CIMIP6: variants seen among roughly 807,000 people sequenced by gnomAD.
CIMIP6 encodes the protein ciliary microtubule inner protein 6, also known as uncharacterized protein C2orf73.
chr2:54,380,915 TC>T, the CIMIP6 span, among the ~76,000 whole-genome samples: 2 of 152,222 alleles, frequency 1.3e-5, no homozygotes, highest in Non-Finnish European at 2.9e-5. Flanking sequence ...TTTTTAGTCT[TC>T]TTGTTTCCTT....
the CIMIP6 span, among the ~76,000 whole-genome samples, chr2:54,347,105 T>C: frequency 4.6e-5 from 7 of 152,124 alleles, no homozygotes; most frequent in Non-Finnish European, 1.0e-4. Flanking sequence ...TTCTTGTAAA[T>C]TAAAATCTGA....
the CIMIP6 span, among the ~76,000 whole-genome samples, chr2:54,342,635 A>C: frequency 6.6e-6 from 1 of 150,954 alleles, no homozygotes; most frequent in Non-Finnish European, 1.5e-5. Context: ...TTAAAGAAAC[A>C]TCTCCCTTTT....
At chr2:54,367,949 A>G in the CIMIP6 span, among the ~76,000 whole-genome samples, 4 of 152,196 alleles carry the variant, frequency 2.6e-5, no homozygotes, top group African/African-American at 9.7e-5. Context: ...AAGTAACCTT[A>G]TAGGTCACAT....
chr2:54,383,562 T>C, the CIMIP6 span: 1 of 152,148 alleles, frequency 6.6e-6, no homozygotes, highest in African/African-American at 2.4e-5. Flanking sequence ...AACCACAAAT[T>C]TGGGACTTGT....
chr2:54,338,798 G>T, the CIMIP6 span, among the ~76,000 whole-genome samples: 2 of 74,634 alleles, frequency 2.7e-5, 1 homozygote, highest in Non-Finnish European at 7.0e-5. Flanking sequence ...TAAAATTGGG[G>T]ATGCTAAAAA....
the CIMIP6 span, among the ~76,000 whole-genome samples, chr2:54,355,913 T>C: frequency 6.6e-6 from 1 of 152,180 alleles, no homozygotes; most frequent in Non-Finnish European, 1.5e-5. Flanking sequence ...TCTTTTATGG[T>C]CAAATTTATG....
chr2:54,352,884 T>A, the CIMIP6 span, among the ~76,000 whole-genome samples: 1 of 152,176 alleles, frequency 6.6e-6, no homozygotes, highest in Non-Finnish European at 1.5e-5. Context: ...CATAGTTGGT[T>A]GAATATGTGG....
chr2:54,379,469 T>C, the CIMIP6 span, among the ~76,000 whole-genome samples: 3 of 152,200 alleles, frequency 2.0e-5, no homozygotes, highest in Admixed American at 2.0e-4. Context: ...TTGAATCAGA[T>C]TCTTGGGGAT....
the CIMIP6 span, among the ~76,000 whole-genome samples, chr2:54,373,944 A>T: frequency 6.6e-6 from 1 of 152,172 alleles, no homozygotes; most frequent in East Asian, 1.9e-4. Flanking sequence ...GACAGAGTCT[A>T]TTCTTCCCTT....
the CIMIP6 span, among the ~76,000 whole-genome samples, chr2:54,379,078 T>C: frequency 6.6e-6 from 1 of 152,026 alleles, no homozygotes. Flanking sequence ...AACGAAGCAA[T>C]AAATGAATGA....
chr2:54,354,979 A>G, the CIMIP6 span, among the ~76,000 whole-genome samples: 13 of 151,852 alleles, frequency 8.6e-5, no homozygotes, highest in Non-Finnish European at 1.6e-4. Flanking sequence ...ATCCTCTTTG[A>G]TTTATTTCTA....
the CIMIP6 span, among the ~76,000 whole-genome samples, chr2:54,363,059 C>A: frequency 1.3e-5 from 2 of 152,278 alleles, no homozygotes; most frequent in East Asian, 3.9e-4. Context: ...TGGATATGAT[C>A]ATCTCTCCTA....
chr2:54,375,951 GTAGAGA>G, the CIMIP6 span, among the ~76,000 whole-genome samples: 4 of 152,006 alleles, frequency 2.6e-5, no homozygotes, highest in Non-Finnish European at 4.4e-5. Context: ...TCCCTGGAAA[GTAGAGA>G]TAAAGAAGCA....
At chr2:54,330,908 T>G in the CIMIP6 span, 2 of 1,513,628 alleles carry the variant, frequency 1.3e-6, no homozygotes, top group South Asian at 2.3e-5. Flanking sequence ...TTGCGCACCC[T>G]TTTCCTGGCA....
the CIMIP6 span, chr2:54,358,977 G>A: frequency 1.3e-6 from 2 of 1,541,958 alleles, no homozygotes; most frequent in African/African-American, 1.4e-5. Context: ...GCCTCTCCTG[G>A]TACATCAGCA....
chr2:54,379,136 C>A, the CIMIP6 span, among the ~76,000 whole-genome samples: 1 of 152,336 alleles, frequency 6.6e-6, no homozygotes, highest in African/African-American at 2.4e-5. Context: ...GTTTCCTAGC[C>A]TGGCTTCATA....
chr2:54,343,719 G>T, the CIMIP6 span: 1 of 1,582,002 alleles, frequency 6.3e-7, no homozygotes, highest in Non-Finnish European at 8.6e-7. Flanking sequence ...TTTCTATAAA[G>T]GGTGACTGGT....
the CIMIP6 span, among the ~76,000 whole-genome samples, chr2:54,383,943 T>G: frequency 6.6e-6 from 1 of 152,218 alleles, no homozygotes; most frequent in Non-Finnish European, 1.5e-5. Flanking sequence ...GTCTGCCTTC[T>G]GACATGGGAT....
chr2:54,335,066 C>G, the CIMIP6 span: 1 of 1,465,636 alleles, frequency 6.8e-7, no homozygotes, highest in Non-Finnish European at 9.3e-7. Context: ...GATTTAGATT[C>G]AGATGCTGTT....
Sources: gnomAD v4.1 joint callset for allele counts (sites outside exome capture counted in the v4.1 genomes callset) on GRCh38, gnomAD v4.1.1 for gene constraint, MANE v1.5 for transcripts, NCBI Gene and HGNC (gene_info 2026-07-23, HGNC 2026-07-21) for gene names.